The following SGSM1 variants were observed in gnomAD, a reference collection of about 807,000 sequenced individuals.
SGSM1 encodes RUN and TBC1 domain containing 2.
In SGSM1, 73 loss-of-function variants were observed where a neutral mutation model predicts 133.8. That is an observed-to-expected ratio of 0.55 (90% CI 0.45 to 0.66). SGSM1 has a LOEUF of 0.66. Among genes scored for constraint, SGSM1 ranks in the 30% least tolerant of loss-of-function variants. SGSM1 has a pLI of 0.00. For synonymous variants in SGSM1, 563 were observed against 573.0 expected, an observed-to-expected ratio of 0.98 and a Z score of 0.25; for missense variants, 1,213 against 1,448.1, an observed-to-expected ratio of 0.84 and a Z score of 2.64.
intron 18 of SGSM1, among the ~76,000 whole-genome samples, chr22:24,895,815 G>A (rs1254454734): frequency 6.6e-6 from 1 of 152,174 alleles, no homozygotes; most frequent in Non-Finnish European, 1.5e-5. Flanking sequence ...GGAGGCCAAG[G>A]TAGGCAGATA....
chr22:24,836,614 T>C (rs1190299028), intron 2 of SGSM1, among the ~76,000 whole-genome samples: 1 of 152,218 alleles, frequency 6.6e-6, no homozygotes. Context: ...CAACACTTAC[T>C]TTCTGTTTTT....
intron 2 of SGSM1, among the ~76,000 whole-genome samples, chr22:24,812,188 A>G (rs980120348): frequency 1.6e-3 from 245 of 151,070 alleles, no homozygotes; most frequent in African/African-American, 5.6e-3. Flanking sequence ...AAAAAAAAAA[A>G]GAAAAGAAAA....
intron 20 of SGSM1, among the ~76,000 whole-genome samples, chr22:24,902,287 G>A (rs929635628): frequency 1.3e-4 from 20 of 152,122 alleles, no homozygotes; most frequent in African/African-American, 2.4e-4. Flanking sequence ...GTGGCTGAGC[G>A]GGAACTCATA....
chr22:24,824,657 A>G (rs1416224413), intron 2 of SGSM1, among the ~76,000 whole-genome samples: 2 of 152,122 alleles, frequency 1.3e-5, no homozygotes, highest in South Asian at 2.1e-4. Flanking sequence ...ATGTGGGGGC[A>G]GTCACGGGCG....
rs773713303 is a variant in SGSM1 at position 24,855,001 on chromosome 22, A to G, written c.461A>G (p.Tyr154Cys). 3 of 1,613,206 alleles carry G rather than the reference A, an allele frequency of 1.9e-6. No individual in the cohort carries two copies. The highest frequency in any genetic ancestry group is 1.7e-6 in the Non-Finnish European group (2 of 1,179,622). The change falls in exon 6 of 25, where the codon TAC (tyrosine) becomes TGC (cysteine). Residue 154 changes from tyrosine (Y) to cysteine (C), a missense_variant. Coordinates refer to ENST00000400358, the MANE Select transcript of SGSM1 (RefSeq NM_001098497.3). ...ATATTCTCTCCTCTTGCTAGTAAATACTATGAGAAGGAAGCTCTCCTGATG... is the reference window on the plus strand; with the variant it reads ...ATATTCTCTCCTCTTGCTAGTAAATGCTATGAGAAGGAAGCTCTCCTGATG... ...VHYLVENSSK[Y>C]YEKEALLMDP...
At chr22:24,836,668 G>T (rs777593742) in intron 2 of SGSM1, among the ~76,000 whole-genome samples, 3 of 152,170 alleles carry the variant, frequency 2.0e-5, no homozygotes, top group Non-Finnish European at 4.4e-5. Context: ...TCTCATTGTG[G>T]TTTTGATTTG....
intron 2 of SGSM1, among the ~76,000 whole-genome samples, chr22:24,811,040 T>TA (rs1245171569): frequency 6.6e-6 from 1 of 152,222 alleles, no homozygotes; most frequent in Admixed American, 6.5e-5. Context: ...GACTTTCAGA[T>TA]AAACAGTGAG....
chr22:24,863,414 C>T (rs968279801), intron 9 of SGSM1, among the ~76,000 whole-genome samples: 2 of 152,228 alleles, frequency 1.3e-5, no homozygotes, highest in African/African-American at 4.8e-5. Context: ...GCCTCCGCCT[C>T]CCAAAGTGCT....
In SGSM1 at chr22:24,895,999, T is replaced by C. The variant is rs747752977; in HGVS notation, c.2022+708T>C. Reference sequence around the variant, plus strand: ...AGGAGGTTGAGGCTGCAGTGAGCCATGATCACGCCACTGCACTCCAGCCTG... The same window carrying C: ...AGGAGGTTGAGGCTGCAGTGAGCCACGATCACGCCACTGCACTCCAGCCTG... On this transcript the variant is annotated intron_variant, in intron 18 of 24. Coordinates refer to ENST00000400358, the MANE Select transcript of SGSM1 (RefSeq NM_001098497.3). 2.2e-4 allele frequency among the ~76,000 whole-genome samples: 34 copies of C among 152,118 alleles called. 1 individual carries two copies. Among genetic ancestry groups the C allele is most frequent in the Non-Finnish European group, 3.8e-4 (26 of 68,004 alleles).
At chr22:24,808,164 A>G (rs530473456) in intron 2 of SGSM1, among the ~76,000 whole-genome samples, 8 of 145,744 alleles carry the variant, frequency 5.5e-5, no homozygotes, top group African/African-American at 2.1e-4. Context: ...CCCAGGATAG[A>G]GTACAGTGGC....
At chr22:24,900,670 T>C (rs1356319331) in intron 19 of SGSM1, among the ~76,000 whole-genome samples, 2 of 152,330 alleles carry the variant, frequency 1.3e-5, no homozygotes, top group East Asian at 3.9e-4. Flanking sequence ...GTGCTGGGAT[T>C]ACAGGCATGA....
At chr22:24,886,536 C>G (rs1222673034) in intron 15 of SGSM1, 64 bp from the exon 16 acceptor site, 1 of 1,527,990 alleles carries the variant, frequency 6.5e-7, no homozygotes, top group African/African-American at 1.4e-5. Context: ...AAACCCCATC[C>G]CTACTAAAAC....
intron 2 of SGSM1, chr22:24,843,708 T>G (rs1216600314): frequency 6.6e-6 from 1 of 152,176 alleles, no homozygotes; most frequent in Admixed American, 6.5e-5. Context: ...CAGAAGGTAT[T>G]CAGGCTGCCA....
rs749576223 is a variant in SGSM1, at chr22:24,855,375, G to A, written c.614G>A (p.Arg205His). Residue 205 changes from arginine (R) to histidine (H), a missense_variant, in exon 7 of 25, where the codon CGC becomes CAC. Transcript: ENST00000400358. ...PSADELVQRH[R>H]IHSSHVRQDS... ...GCTGACGAACTTGTCCAGAGGCACC[G>A]CATCCACAGCTCCCACGTGCGGCAG... 7.4e-6 allele frequency: 12 copies of A among 1,613,360 alleles called. No homozygotes were observed. Among genetic ancestry groups the A allele is most frequent in the African/African-American group, 5.3e-5 (4 of 74,872 alleles).
chr22:24,877,077 G>A (rs1397684044), intron 13 of SGSM1, among the ~76,000 whole-genome samples: 2 of 152,126 alleles, frequency 1.3e-5, no homozygotes, highest in Non-Finnish European at 2.9e-5. Context: ...ACAATGACAG[G>A]GAAAGGTAGC....
intron 2 of SGSM1, among the ~76,000 whole-genome samples, chr22:24,812,191 AAAG>A (rs1470310558): frequency 1.9e-3 from 296 of 152,014 alleles, no homozygotes; most frequent in African/African-American, 6.7e-3. Context: ...AAAAAAAAGA[AAAG>A]AAAAATTAGG....
At chr22:24,810,909 C>T (rs1013169338) in intron 2 of SGSM1, among the ~76,000 whole-genome samples, 9 of 152,136 alleles carry the variant, frequency 5.9e-5, no homozygotes, top group African/African-American at 1.9e-4. Context: ...AAGCAATTGA[C>T]GTTACCATGG....
rs759890460 is a variant in SGSM1, at chr22:24,895,174, G to C, written c.1954-49G>C. ...AGCCCAGCAGTCCTTCCTGCTCTGG[G>C]CCAGGGTGCAGCCTCACCCTCCCTC... On this transcript the variant is annotated intron_variant, in intron 17 of 24. Transcript: ENST00000400358. The C allele has an allele frequency of 6.4e-6, 10 of 1,560,166 alleles. No individual in the cohort carries two copies. In the African/African-American group the frequency reaches 8.2e-5, roughly 13 times the overall value.
chr22:24,866,916 T>C (rs1196378195), intron 9 of SGSM1, among the ~76,000 whole-genome samples, 177 bp from the exon 10 acceptor site: 1 of 151,646 alleles, frequency 6.6e-6, no homozygotes, highest in Non-Finnish European at 1.5e-5. Context: ...CCTCGGAAAA[T>C]TGGGGTTCTG....
Sources: gnomAD v4.1 joint callset for allele counts (sites outside exome capture counted in the v4.1 genomes callset) on GRCh38, gnomAD v4.1.1 for gene constraint, MANE v1.5 for transcripts, NCBI Gene and HGNC (gene_info 2026-07-23, HGNC 2026-07-21) for gene names.